The following ATP10B variants were observed in gnomAD, a reference collection of about 807,000 sequenced individuals.
ATP10B encodes the protein phospholipid-transporting ATPase VB.
A neutral mutation model predicts 141.2 loss-of-function variants in ATP10B; 122 were observed. That is an observed-to-expected ratio of 0.86 (90% CI 0.75 to 1.00). The LOEUF is 1.00. Among genes scored for constraint, ATP10B ranks in the 50% least tolerant of loss-of-function variants. The probability of loss-of-function intolerance (pLI) is 0.00; values close to 1 mark genes in which losing one functional copy is unlikely to be tolerated. For synonymous variants in ATP10B, 685 were observed against 692.0 expected (o/e 0.99, Z 0.16); for missense variants, 1,876 against 1,825.3 (o/e 1.03, Z -0.51).
Position 160,684,697 on chromosome 5 carries a change from T to C in ATP10B, c.470+1382A>G, listed in dbSNP as rs1033881944. ...GGATTGTAGACTATAAAGCTCACTG[T>C]AGAGAACTGAACAGCTTCCCTGAAA... On this transcript the variant is annotated intron_variant, in intron 6 of 25. Transcript: ENST00000327245. 4 of 576,226 alleles carry C rather than the reference T, an allele frequency of 6.9e-6. No individual in the cohort carries two copies. In the African/African-American group the frequency reaches 7.5e-5, roughly 11 times the overall value. 35.7% of individuals were successfully genotyped at this position (576,226 alleles called of 1,614,324 possible). A position where few individuals can be genotyped will look rare whatever the true frequency, so the allele number is the denominator to read the frequency against.
rs1307360618 is a variant in ATP10B, at chr5:160,623,462, A to G, written c.1621-877T>C. Among the ~76,000 whole-genome samples, 3 of 152,204 alleles carry G rather than the reference A, an allele frequency of 2.0e-5. No individual in the cohort carries two copies. The East Asian group carries it at 5.8e-4, about 29-fold the overall frequency. On this transcript the variant is annotated intron_variant, in intron 13 of 25. Transcript: ENST00000327245. ...CTGCTCTGCTGAGTGTAATGCTCCA[A>G]TACTGGTCTAGTTTGCCAAGTCTCT... is the stretch of plus-strand genomic sequence containing the variant.
chr5:160,827,996 T>G (rs1410763165), intron 1 of ATP10B, among the ~76,000 whole-genome samples: 1 of 152,190 alleles, frequency 6.6e-6, no homozygotes. Flanking sequence ...ACTGTAGCCC[T>G]GGCTAGCCAT....
chr5:160,847,330 C>T (rs542919545), intron 1 of ATP10B, among the ~76,000 whole-genome samples: 23 of 152,252 alleles, frequency 1.5e-4, no homozygotes, highest in South Asian at 4.1e-4. Flanking sequence ...AAGCAAGTTT[C>T]GCCATTTCTC....
intron 3 of ATP10B, among the ~76,000 whole-genome samples, chr5:160,702,469 T>C (rs181095349): frequency 1.6e-4 from 24 of 152,342 alleles, no homozygotes; most frequent in Admixed American, 2.6e-4. Context: ...ATGACACTTA[T>C]TCATGTAATT....
At chr5:160,617,288 A>G (rs985719856) in intron 16 of ATP10B, among the ~76,000 whole-genome samples, 2 of 152,256 alleles carry the variant, frequency 1.3e-5, no homozygotes, top group African/African-American at 4.8e-5. Context: ...CTTGCAAAGC[A>G]TGAGTTAGGT....
At chr5:160,858,123 G>T in the ATP10B span, among the ~76,000 whole-genome samples, 1 of 151,658 alleles carries the variant, frequency 6.6e-6, no homozygotes, top group Non-Finnish European at 1.5e-5. Context: ...CAGTCATATT[G>T]GTTTTTGTTT....
At chr5:160,925,627 G>T in the ATP10B span, among the ~76,000 whole-genome samples, 3 of 152,152 alleles carry the variant, frequency 2.0e-5, no homozygotes, top group Non-Finnish European at 2.9e-5. Flanking sequence ...TTAATTCCTC[G>T]CATGGGATAC....
chr5:160,910,408 T>C, the ATP10B span, among the ~76,000 whole-genome samples: 1 of 152,198 alleles, frequency 6.6e-6, no homozygotes, highest in Non-Finnish European at 1.5e-5. Context: ...GAGAGCTCCA[T>C]GAGAGCAGAC....
intron 2 of ATP10B, among the ~76,000 whole-genome samples, chr5:160,767,207 T>G (rs1288295794): frequency 6.6e-6 from 1 of 152,170 alleles, no homozygotes; most frequent in Non-Finnish European, 1.5e-5. Flanking sequence ...GGGTAACGGG[T>G]TGGACAAGCT....
intron 24 of ATP10B, among the ~76,000 whole-genome samples, chr5:160,573,858 G>A (rs145255647): frequency 1.8e-3 from 273 of 152,218 alleles, no homozygotes; most frequent in South Asian, 7.9e-3. Flanking sequence ...TGAACAGGCC[G>A]CAACTTATTT....
At chr5:160,736,674 C>T (rs1178928395) in intron 2 of ATP10B, among the ~76,000 whole-genome samples, 1 of 152,106 alleles carries the variant, frequency 6.6e-6, no homozygotes, top group African/African-American at 2.4e-5. Flanking sequence ...GCAGAAGAAT[C>T]GCTTGAACCT....
chr5:160,704,225 T>C (rs568893334), intron 3 of ATP10B, among the ~76,000 whole-genome samples: 1 of 152,166 alleles, frequency 6.6e-6, no homozygotes, highest in East Asian at 1.9e-4. Flanking sequence ...CTATTTTTTT[T>C]TTATTATTAT....
At chr5:160,586,628 C>T (rs746110255) in intron 24 of ATP10B, among the ~76,000 whole-genome samples, 9 of 152,190 alleles carry the variant, frequency 5.9e-5, no homozygotes, top group African/African-American at 4.8e-5. Context: ...TCCACTGCCT[C>T]GCCATCTACT....
chr5:160,834,131 C>G (rs181625271), intron 1 of ATP10B, among the ~76,000 whole-genome samples: 2 of 151,872 alleles, frequency 1.3e-5, no homozygotes, highest in East Asian at 3.9e-4. Flanking sequence ...TTGAGAACAG[C>G]TTGGCCAACA....
At chr5:160,835,313 G>A (rs1228193606) in intron 1 of ATP10B, among the ~76,000 whole-genome samples, 2 of 152,128 alleles carry the variant, frequency 1.3e-5, no homozygotes, top group Non-Finnish European at 2.9e-5. Flanking sequence ...AAGCTGAGAT[G>A]TATAGCTTGT....
the ATP10B span, among the ~76,000 whole-genome samples, chr5:160,871,175 C>T: frequency 6.6e-6 from 1 of 151,846 alleles, no homozygotes; most frequent in Non-Finnish European, 1.5e-5. Flanking sequence ...TTTAATTGAT[C>T]AAATAGATAA....
intron 2 of ATP10B, among the ~76,000 whole-genome samples, chr5:160,749,425 C>T (rs553496558): frequency 2.5e-4 from 38 of 152,276 alleles, no homozygotes; most frequent in Admixed American, 8.5e-4. Context: ...TTTCCACAAC[C>T]CAGCTGCCCT....
intron 21 of ATP10B, among the ~76,000 whole-genome samples, chr5:160,601,936 T>G (rs1757119223): frequency 6.6e-6 from 1 of 152,216 alleles, no homozygotes; most frequent in Non-Finnish European, 1.5e-5. Flanking sequence ...CAGGCTTATA[T>G]TCTGTGACGT....
Position 160,622,419 on chromosome 5 carries a change from G to A in ATP10B, c.1787C>T (p.Ser596Phe), listed in dbSNP as rs765926624. Residue 596 changes from serine (S) to phenylalanine (F), a missense_variant, in exon 14 of 26, where the codon TCC (serine) becomes TTC (phenylalanine). Transcript: ENST00000327245. ...ALTICNSVMV[S>F]TTTEPRQRVT... ...CCTCTGCCTGGGCTCGGTGGTTGTG[G>A]ACACCATGACAGAGTTGCAGATGGT... The A allele has an allele frequency of 6.2e-7, 1 of 1,613,684 alleles. No individual in the cohort carries two copies. The highest frequency in any genetic ancestry group is 1.7e-5 in the Admixed American group (1 of 59,974).
Sources: allele counts gnomAD v4.1 joint callset (sites outside exome capture counted in the v4.1 genomes callset), GRCh38; gene constraint gnomAD v4.1.1; transcripts MANE v1.5; gene names NCBI Gene and HGNC (gene_info 2026-07-23, HGNC 2026-07-21).